The following LTF variants were observed in gnomAD, a reference collection of about 807,000 sequenced individuals.
The protein encoded by LTF is lactotransferrin.
LTF carries 91 observed loss-of-function variants against 87.2 expected under a neutral mutation model. The ratio of observed to expected loss-of-function variants is 1.04; its 90% CI spans 0.88 to 1.24. The LOEUF (loss-of-function observed/expected upper bound fraction) is 1.24. LTF is among the 50% of genes most tolerant of loss of function. LTF has a pLI of 0.00. For synonymous variants in LTF, 378 were observed against 356.1 expected (o/e 1.06, Z -0.69); for missense variants, 901 against 904.3 (o/e 1.00, Z 0.05).
intron 15 of LTF, 106 bp downstream of exon 15, chr3:46,439,190 G>T: frequency 9.5e-7 from 1 of 1,047,128 alleles, no homozygotes; most frequent in Non-Finnish European, 1.4e-6. Flanking sequence ...GCTTCAAGTA[G>T]AGGACTAGAG....
At chr3:46,478,698 C>T (rs944753802) in intron 1 of LTF, among the ~76,000 whole-genome samples, 4 of 152,150 alleles carry the variant, frequency 2.6e-5, no homozygotes, top group Non-Finnish European at 5.9e-5. Context: ...GTAGATGAAG[C>T]AGAACCTGAT....
Position 46,435,849 on chromosome 3 carries a change from G to A in LTF, c.*346C>T. 1 of 316,574 alleles carries A rather than the reference G, an allele frequency of 3.2e-6. No homozygotes were observed. Among genetic ancestry groups the A allele is most frequent in the Non-Finnish European group, 5.9e-6 (1 of 168,576 alleles). The allele number at this position is 316,574 out of a possible 1,614,324, so 19.6% of individuals were successfully genotyped here. ...CTTAGGAAAACCGGTGCTTGGCCTG[G>A]CCTTAAATTCCAGACCCTTGGGCAT... is the stretch of plus-strand genomic sequence containing the variant. On this transcript the variant is annotated 3_prime_UTR_variant, in exon 17 of 17. Coordinates refer to ENST00000231751, the MANE Select transcript of LTF (RefSeq NM_002343.6).
Position 46,441,399 on chromosome 3 carries a change from G to A in LTF, c.1723+17C>T. Reference sequence around the variant, plus strand: ...AAGACTCTGCTTTGAAGGAGAAAAGGAAACACCTTCACCTACCATCAGTGT... The same window carrying A: ...AAGACTCTGCTTTGAAGGAGAAAAGAAAACACCTTCACCTACCATCAGTGT... On this transcript the variant is annotated intron_variant, in intron 14 of 16. Coordinates refer to ENST00000231751, the MANE Select transcript of LTF (RefSeq NM_002343.6). The A allele has an allele frequency of 6.2e-7, 1 of 1,603,126 alleles. No homozygotes were observed. The highest frequency in any genetic ancestry group is 8.5e-7 in the Non-Finnish European group (1 of 1,173,244).
At chr3:46,483,153 A>G (rs1428529640) in intron 1 of LTF, among the ~76,000 whole-genome samples, 1 of 152,232 alleles carries the variant, frequency 6.6e-6, no homozygotes, top group African/African-American at 2.4e-5. Context: ...AATAACCTCA[A>G]GAGCCACAGG....
chr3:46,459,583 G>C, intron 2 of LTF, 73 bp downstream of exon 2: 1 of 1,321,484 alleles, frequency 7.6e-7, no homozygotes, highest in Non-Finnish European at 9.9e-7. Context: ...AGGAGAGCTC[G>C]TGTTCTATCT....
chr3:46,445,433 T>A lies in LTF; in HGVS notation c.1361A>T (p.Tyr454Phe). 2 of 1,611,408 alleles carry A rather than the reference T, an allele frequency of 1.2e-6. No homozygotes were observed. Among genetic ancestry groups the A allele is most frequent in the Non-Finnish European group, 1.7e-6 (2 of 1,178,896 alleles). The change falls in exon 12 of 17, where the codon TAT (tyrosine) becomes TTT (phenylalanine). Residue 454 changes from tyrosine to phenylalanine, a missense_variant. By Grantham distance (22) the Tyr-to-Phe change is conservative (BLOSUM62 3). Coordinates refer to ENST00000231751, the MANE Select transcript of LTF (RefSeq NM_002343.6). The stretch of plus-strand genomic sequence containing the variant: ...TCTCCTAACCACCGCCACAGCAAGA[T>A]ATCCTGGCATAACAGATGACAGAAA... ...PNCVDRPVEG[Y>F]LAVAVVRRSD...
intron 9 of LTF, among the ~76,000 whole-genome samples, chr3:46,448,064 T>C (rs1330130896): frequency 3.9e-5 from 6 of 152,240 alleles, no homozygotes; most frequent in East Asian, 1.9e-4. Context: ...CCTGGAAGCA[T>C]GTTTAAAAAA....
intron 1 of LTF, among the ~76,000 whole-genome samples, chr3:46,479,182 C>T (rs574650299): frequency 1.3e-5 from 2 of 152,330 alleles, no homozygotes; most frequent in South Asian, 4.1e-4. Flanking sequence ...AGGGAATCTG[C>T]CTCCCACCTG....
chr3:46,475,670 A>T (rs1285806228), intron 1 of LTF, among the ~76,000 whole-genome samples: 1 of 152,124 alleles, frequency 6.6e-6, no homozygotes, highest in Non-Finnish European at 1.5e-5. Flanking sequence ...ATTAGAGACC[A>T]CCCAACTCAA....
At chr3:46,484,196 CA>C (rs1174807128) in intron 1 of LTF, among the ~76,000 whole-genome samples, 3 of 152,134 alleles carry the variant, frequency 2.0e-5, no homozygotes, top group Non-Finnish European at 4.4e-5. Context: ...CGTAAATGGA[CA>C]ATAGTCATGA....
rs1229347307 is a variant in LTF, at chr3:46,449,883, T to C, written c.1028A>G (p.Tyr343Cys). 5.6e-6 allele frequency: 9 copies of C among 1,614,090 alleles called. No homozygotes were observed. Among genetic ancestry groups the C allele is most frequent in the Non-Finnish European group, 7.6e-6 (9 of 1,179,986 alleles). ...CCTCAAGTTCTGGATGGCAGTGAAGTAGCCGGAGCCAAGGTACAGCCCAGA... is the reference window on the plus strand; with the variant it reads ...CCTCAAGTTCTGGATGGCAGTGAAGCAGCCGGAGCCAAGGTACAGCCCAGA... ...IDSGLYLGSG[Y>C]FTAIQNLRKS... The change falls in exon 8 of 17, where the codon TAC (tyrosine) becomes TGC (cysteine). Residue 343 changes from tyrosine to cysteine, a missense_variant. Physicochemically the swap from Tyr to Cys is radical, Grantham distance 194. Transcript: ENST00000231751.
At chr3:46,458,731 C>T (rs1173928182) in intron 2 of LTF, among the ~76,000 whole-genome samples, 3 of 152,194 alleles carry the variant, frequency 2.0e-5, no homozygotes, top group African/African-American at 7.2e-5. Context: ...TGTGCCACCA[C>T]ACCCAGCTAA....
At chr3:46,436,909 C>T (rs777313337) in intron 16 of LTF, among the ~76,000 whole-genome samples, 1 of 152,222 alleles carries the variant, frequency 6.6e-6, no homozygotes, top group Non-Finnish European at 1.5e-5. Context: ...CTGGCCTCTA[C>T]CTATTTGTTA....
At chr3:46,446,354 T>C in intron 11 of LTF, 86 bp downstream of exon 11, 1 of 1,113,734 alleles carries the variant, frequency 9.0e-7, no homozygotes, top group Non-Finnish European at 1.3e-6. Flanking sequence ...CTGCAATTCT[T>C]TCTGTTTTTT....
intron 1 of LTF, among the ~76,000 whole-genome samples, chr3:46,471,171 G>A (rs912458521): frequency 4.0e-4 from 61 of 152,120 alleles, no homozygotes; most frequent in African/African-American, 1.4e-3. Context: ...CCTTCTAGGA[G>A]AGCACACACT....
chr3:46,455,854 A>G lies in LTF; in HGVS notation c.441T>C (p.Pro147=). The G allele has an allele frequency of 6.2e-7, 1 of 1,612,346 alleles. No individual in the cohort carries two copies. Reference sequence around the variant, plus strand: ...TCAAGAATGGACGAAGTGTCCCTATAGGGACATTCCATCCAGCGGTCCTGC... The same window carrying G: ...TCAAGAATGGACGAAGTGTCCCTATGGGGACATTCCATCCAGCGGTCCTGC... The part of the protein sequence containing the change: ...GLRRTAGWNV[P]IGTLRPFLNW... Residue 147 remains proline (P), a synonymous_variant, in exon 4 of 17, where the codon CCT becomes CCC. Coordinates refer to ENST00000231751, the MANE Select transcript of LTF (RefSeq NM_002343.6).
Position 46,439,416 on chromosome 3 carries a change from A to G in LTF, c.1788T>C (p.Asp596=), listed in dbSNP as rs771544584. Residue 596 remains aspartate, a synonymous_variant, in exon 15 of 17, where the codon GAT becomes GAC. Coordinates refer to ENST00000231751, the MANE Select transcript of LTF (RefSeq NM_002343.6). The stretch of plus-strand genomic sequence containing the variant: ...CCTCAGTCACAGGCTTCCGTTTGCC[A>G]TCGAGGCACAGCAGCGCAAAGTCTG... ...KLADFALLCL[D]GKRKPVTEAR... 8 of 1,614,208 alleles carry G rather than the reference A, an allele frequency of 5.0e-6. No homozygotes were observed. The highest frequency in any genetic ancestry group is 6.8e-6 in the Non-Finnish European group (8 of 1,180,014).
intron 1 of LTF, among the ~76,000 whole-genome samples, chr3:46,464,151 G>T (rs1032666508): frequency 6.6e-6 from 1 of 152,176 alleles, no homozygotes; most frequent in African/African-American, 2.4e-5. Flanking sequence ...TGCAGCGCTG[G>T]GGAGTGCCCT....
At chr3:46,460,505 G>A in intron 1 of LTF, 2 of 448,434 alleles carry the variant, frequency 4.5e-6, no homozygotes, top group Non-Finnish European at 9.0e-6. Flanking sequence ...CTTCTTTTGA[G>A]CCTGCTTTTG....
Sources: allele counts gnomAD v4.1 joint callset (sites outside exome capture counted in the v4.1 genomes callset), GRCh38; gene constraint gnomAD v4.1.1; transcripts MANE v1.5; gene names NCBI Gene and HGNC (gene_info 2026-07-23, HGNC 2026-07-21).